GRIN2B: variants seen among roughly 807,000 people sequenced by gnomAD.
GRIN2B encodes the protein glutamate receptor ionotropic, NMDA 2B.
In GRIN2B, 5 loss-of-function variants were observed where a neutral mutation model predicts 114.5. That is an observed-to-expected ratio of 0.04 (90% CI 0.02 to 0.09). The LOEUF (loss-of-function observed/expected upper bound fraction) is 0.09. GRIN2B is among the 10% of genes least tolerant of loss of function. The pLI, the probability that GRIN2B is intolerant of heterozygous loss-of-function variation, is 1.00. For synonymous variants in GRIN2B, 787 were observed against 745.1 expected (o/e 1.06, Z -0.92); for missense variants, 1,108 against 1,943.5 (o/e 0.57, Z 8.08).
intron 10 of GRIN2B, among the ~76,000 whole-genome samples, chr12:13,590,924 C>T (rs959920484): frequency 6.6e-6 from 1 of 152,052 alleles, no homozygotes; most frequent in East Asian, 1.9e-4. Flanking sequence ...GACACAGATT[C>T]AGAAATGCTC....
chr12:13,726,942 A>T (rs564768559), intron 4 of GRIN2B, among the ~76,000 whole-genome samples: 1 of 152,300 alleles, frequency 6.6e-6, no homozygotes, highest in Non-Finnish European at 1.5e-5. Context: ...GAGTAAAACT[A>T]TTAACTAATT....
At chr12:13,792,678 G>T (rs1375340069) in intron 3 of GRIN2B, among the ~76,000 whole-genome samples, 2 of 152,208 alleles carry the variant, frequency 1.3e-5, no homozygotes, top group Non-Finnish European at 2.9e-5. Context: ...GAAGACCGCA[G>T]GGTCTGAAAG....
At chr12:13,885,914 T>C (rs1866148889) in intron 2 of GRIN2B, among the ~76,000 whole-genome samples, 2 of 152,134 alleles carry the variant, frequency 1.3e-5, no homozygotes, top group African/African-American at 4.8e-5. Context: ...CTTGGCAAAA[T>C]TGGCCAATAT....
chr12:13,718,938 A>G (rs1950483566), intron 4 of GRIN2B, among the ~76,000 whole-genome samples: 1 of 152,042 alleles, frequency 6.6e-6, no homozygotes, highest in Admixed American at 6.6e-5. Context: ...TTCATGCCAA[A>G]ATATACCAAA....
At chr12:13,581,497 A>G (rs1388812763) in intron 10 of GRIN2B, among the ~76,000 whole-genome samples, 1 of 152,214 alleles carries the variant, frequency 6.6e-6, no homozygotes, top group Admixed American at 6.5e-5. Flanking sequence ...TGGGAGAAGA[A>G]GAAGGTCAGG....
chr12:13,912,499 A>G (rs1866641754), intron 2 of GRIN2B, among the ~76,000 whole-genome samples: 1 of 152,178 alleles, frequency 6.6e-6, no homozygotes, highest in Non-Finnish European at 1.5e-5. Context: ...GGTTTCAGGG[A>G]GTATGGCCGG....
intron 10 of GRIN2B, among the ~76,000 whole-genome samples, chr12:13,605,971 C>G (rs1206184487): frequency 1.3e-5 from 2 of 152,102 alleles, no homozygotes; most frequent in Non-Finnish European, 2.9e-5. Context: ...TATAACCATG[C>G]ATAGGACATG....
intron 2 of GRIN2B, among the ~76,000 whole-genome samples, chr12:13,959,131 G>A (rs970828471): frequency 6.6e-6 from 1 of 152,204 alleles, no homozygotes; most frequent in African/African-American, 2.4e-5. Context: ...AATCTGGTGG[G>A]TTATTCAGGA....
At chr12:13,672,446 G>A (rs1465846270) in intron 5 of GRIN2B, among the ~76,000 whole-genome samples, 4 of 152,144 alleles carry the variant, frequency 2.6e-5, no homozygotes, top group East Asian at 3.9e-4. Flanking sequence ...GGACCAAGGG[G>A]ACTTTCTGAA....
chr12:13,948,644 G>C (rs1162926987), intron 2 of GRIN2B, among the ~76,000 whole-genome samples: 2 of 152,156 alleles, frequency 1.3e-5, no homozygotes, highest in Non-Finnish European at 2.9e-5. Context: ...CCTGGATTCT[G>C]CAAGGAGCAA....
At chr12:13,676,025 T>C (rs1159880085) in intron 4 of GRIN2B, among the ~76,000 whole-genome samples, 166 bp from the exon 5 acceptor site, 1 of 152,116 alleles carries the variant, frequency 6.6e-6, no homozygotes, top group African/African-American at 2.4e-5. Context: ...GATTATGCAA[T>C]AGAGTCATCC....
chr12:13,564,780 G>A lies in GRIN2B; in HGVS notation c.2599-141C>T. ...CGAATAGTCTAATATACTATTAGATGTGGCTAGAAGTTTGCCTAATTTATA... is the reference window on the plus strand; with the variant it reads ...CGAATAGTCTAATATACTATTAGATATGGCTAGAAGTTTGCCTAATTTATA... On this transcript the variant is annotated intron_variant, in intron 13 of 13. Transcript: ENST00000609686. This position sits in a 1 kb window ranked among gnomAD's most constrained non-coding sequence, Gnocchi z 4.8. 1.2e-6 allele frequency: 1 copy of A among 828,460 alleles called. No individual in the cohort carries two copies. 51.3% of individuals were successfully genotyped at this position (828,460 alleles called of 1,614,324 possible).
intron 4 of GRIN2B, among the ~76,000 whole-genome samples, chr12:13,724,482 T>C (rs1565514157): frequency 6.6e-6 from 1 of 152,082 alleles, no homozygotes; most frequent in South Asian, 2.1e-4. Flanking sequence ...ATTCCTAATA[T>C]ACTCCTGGGT....
intron 5 of GRIN2B, among the ~76,000 whole-genome samples, chr12:13,665,170 TGTG>T (rs1378472629): frequency 1.5e-3 from 4 of 2,748 alleles, no homozygotes; most frequent in Non-Finnish European, 6.1e-3. Context: ...TGTGTGTTTG[TGTG>T]TGTGTGTGTG....
intron 10 of GRIN2B, 71 bp downstream of exon 10, chr12:13,608,532 A>T: frequency 9.2e-7 from 1 of 1,088,318 alleles, no homozygotes; most frequent in Non-Finnish European, 1.4e-6. Flanking sequence ...ACAAGCAGGT[A>T]CATGAGAACT....
intron 10 of GRIN2B, among the ~76,000 whole-genome samples, chr12:13,592,619 G>A (rs1223600933): frequency 1.3e-5 from 2 of 152,148 alleles, no homozygotes; most frequent in Admixed American, 1.3e-4. Context: ...AAGTATTGGA[G>A]GAAAGGAAAA....
In GRIN2B at chr12:13,680,860, A is replaced by T. The variant is rs1459434610; in HGVS notation, c.1011-5001T>A. Among the ~76,000 whole-genome samples, 3 of 152,102 alleles carry T rather than the reference A, an allele frequency of 2.0e-5. No homozygotes were observed. In the East Asian group the frequency reaches 5.8e-4, roughly 29 times the overall value. On this transcript the variant is annotated intron_variant, in intron 4 of 13. Transcript: ENST00000609686. ...CCTAATACAGACTGCATAAAACAAAATCTATCTTAGATGATTAATCTACCT... is the reference window on the plus strand; with the variant it reads ...CCTAATACAGACTGCATAAAACAAATTCTATCTTAGATGATTAATCTACCT...
At position 13,615,482 on chromosome 12, in the gene GRIN2B, T is replaced by C; in HGVS notation, c.1500+11A>G. The stretch of plus-strand genomic sequence containing the variant: ...AAAATGGAAATGGAAACAGCCCTTG[T>C]GGACACTCACCTCTCCAATCATACC... On this transcript the variant is annotated intron_variant, in intron 7 of 13. Transcript: ENST00000609686. This position sits in a 1 kb window ranked among gnomAD's most constrained non-coding sequence, Gnocchi z 5.8. 6.2e-7 allele frequency: 1 copy of C among 1,608,858 alleles called. No homozygotes were observed. Among genetic ancestry groups the C allele is most frequent in the African/African-American group, 1.3e-5 (1 of 74,934 alleles).
chr12:13,764,250 A>T (rs947048540), intron 3 of GRIN2B, among the ~76,000 whole-genome samples: 7 of 151,312 alleles, frequency 4.6e-5, no homozygotes, highest in African/African-American at 1.7e-4. Flanking sequence ...TTGCCAACAC[A>T]GTCAAGAGAC....
Sources: gnomAD v4.1 joint callset for allele counts (sites outside exome capture counted in the v4.1 genomes callset) on GRCh38, gnomAD v4.1.1 for gene constraint, Gnocchi (gnomAD v3.1) non-coding constraint, MANE v1.5 for transcripts, NCBI Gene and HGNC (gene_info 2026-07-23, HGNC 2026-07-21) for gene names.